The following KCNQ1 variants were observed in gnomAD, a reference collection of about 807,000 sequenced individuals.
The protein encoded by KCNQ1 is potassium voltage-gated channel subfamily Q member 1, also known as potassium voltage-gated channel subfamily KQT member 1.
Under a neutral mutation model 72.4 loss-of-function variants are expected in KCNQ1, and 49 were observed. That is an observed-to-expected ratio of 0.68 (90% CI 0.54 to 0.86). The LOEUF (loss-of-function observed/expected upper bound fraction) is 0.86, where lower values mean the gene tolerates loss of function less well. Ranked by LOEUF, KCNQ1 falls within the 40% of genes least tolerant of loss-of-function variation. The probability of loss-of-function intolerance (pLI) is 0.00; values close to 1 mark genes in which losing one functional copy is unlikely to be tolerated. For missense variants in KCNQ1, 790 were observed against 945.1 expected, an observed-to-expected ratio of 0.84 and a Z score of 2.15; for synonymous variants, 450 against 412.6, an observed-to-expected ratio of 1.09 and a Z score of -1.10.
intron 10 of KCNQ1, among the ~76,000 whole-genome samples, chr11:2,590,541 G>A (rs1349009573): frequency 1.3e-5 from 2 of 152,246 alleles, no homozygotes; most frequent in Admixed American, 6.5e-5. Flanking sequence ...CATCTTCCAG[G>A]TGGTGGGGGG....
chr11:2,766,419 T>C lies in KCNQ1; in HGVS notation c.1515-2425T>C, dbSNP rs113410444. Among the ~76,000 whole-genome samples the C allele has an allele frequency of 7.3e-3, 1,111 of 152,326 alleles. 17 individuals carry two copies. The highest frequency in any genetic ancestry group is 0.026 in the African/African-American group (1,068 of 41,560). On this transcript the variant is annotated intron_variant, in intron 11 of 15. Coordinates refer to ENST00000155840, the MANE Select transcript of KCNQ1 (RefSeq NM_000218.3). This position sits in a 1 kb window ranked among gnomAD's most constrained non-coding sequence, Gnocchi z 4.4. ...GTCTCTCAGCTCTCCTTCACGCGGC[T>C]GTTCCAGCAGGCTAGCTCAGACTTG...
Position 2,488,462 on chromosome 11 carries a change from T to C in KCNQ1, c.387-39466T>C, listed in dbSNP as rs531901236. Among the ~76,000 whole-genome samples the C allele has an allele frequency of 1.6e-4, 25 of 152,322 alleles. No homozygotes were observed. The highest frequency in any genetic ancestry group is 1.5e-3 in the South Asian group (7 of 4,826). ...TTCTTTAAATATTTGGTAGGATTCA[T>C]TGGGGAAGCCATCAGGTCCAGGCTT... On this transcript the variant is annotated intron_variant, in intron 1 of 15. Transcript: ENST00000155840. The surrounding 1 kb of genome is among the most constrained non-coding windows in gnomAD (Gnocchi z 5.1).
At position 2,479,812 on chromosome 11, in the gene KCNQ1, A is replaced by G. The variant is rs1224234241; in HGVS notation, c.386+34328A>G. On this transcript the variant is annotated intron_variant, in intron 1 of 15. Transcript: ENST00000155840. This position sits in a 1 kb window ranked among gnomAD's most constrained non-coding sequence, Gnocchi z 4.6. ...ATTTTCTATCACATTTTCAGACTGC[A>G]AATTTTCTGAACTTTTATCTCTGTT... Among the ~76,000 whole-genome samples the G allele has an allele frequency of 6.6e-6, 1 of 152,196 alleles. No homozygotes were observed. Among genetic ancestry groups the G allele is most frequent in the African/African-American group, 2.4e-5 (1 of 41,454 alleles).
In KCNQ1 at chr11:2,776,336, C is replaced by T. The variant is rs28730759; in HGVS notation, c.1685+282C>T. On this transcript the variant is annotated intron_variant, in intron 13 of 15. Coordinates refer to ENST00000155840, the MANE Select transcript of KCNQ1 (RefSeq NM_000218.3). ...GAGGCGCGTAGGGGAGGCAAACACC[C>T]GCCTCCGTCCCTGCTCAGGTAGCAA... Among the ~76,000 whole-genome samples the T allele has an allele frequency of 0.13, 19,430 of 152,122 alleles. 1,503 individuals are homozygous for T. Among genetic ancestry groups the T allele is most frequent in the East Asian group, 0.29 (1,492 of 5,140 alleles).
intron 10 of KCNQ1, chr11:2,616,527 T>A (rs531277064): frequency 1.0e-5 from 4 of 398,092 alleles, no homozygotes; most frequent in African/African-American, 8.2e-5. Flanking sequence ...CATTCACAGC[T>A]ATAATTTTTC....
Position 2,759,877 on chromosome 11 carries a change from C to T in KCNQ1, c.1515-8967C>T, listed in dbSNP as rs1279020702. Among the ~76,000 whole-genome samples, 1 of 152,110 alleles carries T rather than the reference C, an allele frequency of 6.6e-6. No individual in the cohort carries two copies. Among genetic ancestry groups the T allele is most frequent in the Non-Finnish European group, 1.5e-5 (1 of 67,994 alleles). ...ACCCTGAGCTGTACTGGACCCAAGC[C>T]CCAGGACCCCCTGGAGTCACCTCCA... On this transcript the variant is annotated intron_variant, in intron 11 of 15. Transcript: ENST00000155840. The surrounding 1 kb of genome is among the most constrained non-coding windows in gnomAD (Gnocchi z 4.4).
rs570042279 is a variant in KCNQ1 at position 2,671,364 on chromosome 11, G to A, written c.1514+9283G>A. 34 of 398,502 alleles carry A rather than the reference G, an allele frequency of 8.5e-5. No individual in the cohort carries two copies. In the South Asian group the frequency reaches 4.3e-3, roughly 51 times the overall value. The allele number at this position is 398,502 out of a possible 1,614,324, so 24.7% of individuals were successfully genotyped here. On this transcript the variant is annotated intron_variant, in intron 11 of 15. Transcript: ENST00000155840. This position sits in a 1 kb window ranked among gnomAD's most constrained non-coding sequence, Gnocchi z 4.7. The stretch of plus-strand genomic sequence containing the variant: ...CTGAAGATGACACTGGGAATATCCT[G>A]AAAAAGGTACAGGAACACCTGGCAT...
intron 11 of KCNQ1, chr11:2,696,243 C>A: frequency 2.5e-6 from 1 of 398,656 alleles, no homozygotes; most frequent in Non-Finnish European, 4.4e-6. Context: ...TGGCAACTAC[C>A]TTTTGCTTTC....
At chr11:2,445,921 C>T (rs1362901231) in intron 1 of KCNQ1, among the ~76,000 whole-genome samples, 3 of 152,188 alleles carry the variant, frequency 2.0e-5, no homozygotes, top group African/African-American at 7.2e-5. Context: ...ATCTCAGACC[C>T]CCTGAGGCCC....
chr11:2,483,488 G>T lies in KCNQ1; in HGVS notation c.386+38004G>T, dbSNP rs543146606. Among the ~76,000 whole-genome samples, 1 of 152,064 alleles carries T rather than the reference G, an allele frequency of 6.6e-6. No homozygotes were observed. The highest frequency in any genetic ancestry group is 1.5e-5 in the Non-Finnish European group (1 of 68,022). ...CAAATCCCGCGTTTTTCTAGCATCC[G>T]GTTTCTGTTCTGTGATCCCCACGTT... On this transcript the variant is annotated intron_variant, in intron 1 of 15. Coordinates refer to ENST00000155840, the MANE Select transcript of KCNQ1 (RefSeq NM_000218.3). The surrounding 1 kb of genome is among the most constrained non-coding windows in gnomAD (Gnocchi z 6.1).
At chr11:2,834,308 C>T (rs1184069705) in intron 15 of KCNQ1, among the ~76,000 whole-genome samples, 6 of 152,052 alleles carry the variant, frequency 3.9e-5, no homozygotes, top group Admixed American at 3.9e-4. Context: ...TCATGGAGGG[C>T]GCCCAGGTGC....
rs1849679585 is a variant in KCNQ1, at chr11:2,647,212, TC to T, written c.1394-14748del. The T allele has an allele frequency of 2.5e-6, 1 of 398,478 alleles. No homozygotes were observed. The allele number at this position is 398,478 out of a possible 1,614,324, so 24.7% of individuals were successfully genotyped here. A position where few individuals can be genotyped will look rare whatever the true frequency, so the allele number is the denominator to read the frequency against. On this transcript the variant is annotated intron_variant, in intron 10 of 15. Coordinates refer to ENST00000155840, the MANE Select transcript of KCNQ1 (RefSeq NM_000218.3). This position sits in a 1 kb window ranked among gnomAD's most constrained non-coding sequence, Gnocchi z 4.0. ...ATTTTGAATTTTATCAGATGCTTTTTCTGCATCTATTGAGATGATCATGTAT... is the reference window on the plus strand; with the variant it reads ...ATTTTGAATTTTATCAGATGCTTTTTTGCATCTATTGAGATGATCATGTAT...
intron 10 of KCNQ1, among the ~76,000 whole-genome samples, chr11:2,606,199 A>T (rs1848875996): frequency 6.6e-6 from 1 of 152,194 alleles, no homozygotes; most frequent in South Asian, 2.1e-4. Context: ...TAGAAATACA[A>T]TTGATTTTTA....
chr11:2,837,271 C>T (rs573368224), intron 15 of KCNQ1, among the ~76,000 whole-genome samples: 5 of 152,062 alleles, frequency 3.3e-5, no homozygotes, highest in African/African-American at 4.8e-5. Flanking sequence ...TGTTGAGGGA[C>T]GGAGGTGGCC....
rs1403174737 is a variant in KCNQ1, at chr11:2,489,496, G to A, written c.387-38432G>A. 3.3e-5 allele frequency among the ~76,000 whole-genome samples: 5 copies of A among 152,032 alleles called. No homozygotes were observed. In the East Asian group the frequency reaches 7.7e-4, roughly 23 times the overall value. On this transcript the variant is annotated intron_variant, in intron 1 of 15. Coordinates refer to ENST00000155840, the MANE Select transcript of KCNQ1 (RefSeq NM_000218.3). ...AGGCCACAATAACTGCAATTCCTAG[G>A]CAAGTCCTATTGCTGAGATGGGCTC...
In KCNQ1 at chr11:2,446,628, G is replaced by A. The variant is rs2133562102; in HGVS notation, c.386+1144G>A. Among the ~76,000 whole-genome samples the A allele has an allele frequency of 6.6e-6, 1 of 152,316 alleles. No individual in the cohort carries two copies. The highest frequency in any genetic ancestry group is 1.9e-4 in the East Asian group (1 of 5,176). Reference sequence around the variant, plus strand: ...GTCTCAGGTGAGGGGGTGGGGTAGGGGTCGCAGGGCTACTGCCTTCCTTGC... The same window carrying A: ...GTCTCAGGTGAGGGGGTGGGGTAGGAGTCGCAGGGCTACTGCCTTCCTTGC... On this transcript the variant is annotated intron_variant, in intron 1 of 15. Coordinates refer to ENST00000155840, the MANE Select transcript of KCNQ1 (RefSeq NM_000218.3). This position sits in a 1 kb window ranked among gnomAD's most constrained non-coding sequence, Gnocchi z 8.8.
Position 2,752,867 on chromosome 11 carries a change from T to A in KCNQ1, c.1515-15977T>A, listed in dbSNP as rs1009551142. ...CTGGGTTATGTCAAAATGAGTTCCCTTTGCTGAATCTGTTTCAGCCACCTC... is the reference window on the plus strand; with the variant it reads ...CTGGGTTATGTCAAAATGAGTTCCCATTGCTGAATCTGTTTCAGCCACCTC... On this transcript the variant is annotated intron_variant, in intron 11 of 15. Transcript: ENST00000155840. The surrounding 1 kb of genome is among the most constrained non-coding windows in gnomAD (Gnocchi z 5.2). Among the ~76,000 whole-genome samples, 13 of 152,170 alleles carry A rather than the reference T, an allele frequency of 8.5e-5. No homozygotes were observed. The highest frequency in any genetic ancestry group is 2.0e-4 in the Admixed American group (3 of 15,280).
At position 2,847,842 on chromosome 11, in the gene KCNQ1, AC is replaced by A; in HGVS notation, c.1875del (p.Gly626AlafsTer40). The A allele has an allele frequency of 6.4e-7, 1 of 1,569,310 alleles. No homozygotes were observed. Among genetic ancestry groups the A allele is most frequent in the East Asian group, 2.4e-5 (1 of 42,386 alleles). On this transcript the variant is annotated frameshift_variant, in exon 16 of 16. Coordinates refer to ENST00000155840, the MANE Select transcript of KCNQ1 (RefSeq NM_000218.3). LOFTEE classifies it low-confidence loss of function (END_TRUNC). ...GCTGCTCTCCTTGCACGGTGGCAGC[AC>A]CCCCGGCAGCGGCGGCCCCCCCAGA... The part of the protein sequence containing the change: ...HQLLSLHGGS[T>X]PGSGGPPREG...
intron 10 of KCNQ1, chr11:2,609,765 A>G (rs750052366): frequency 2.4e-4 from 95 of 398,156 alleles, no homozygotes; most frequent in South Asian, 5.1e-4. Flanking sequence ...TTTTATCATT[A>G]TGAGATATTC....
Sources: gnomAD v4.1 joint callset for allele counts (sites outside exome capture counted in the v4.1 genomes callset) on GRCh38, gnomAD v4.1.1 for gene constraint, Gnocchi (gnomAD v3.1) non-coding constraint, MANE v1.5 for transcripts, NCBI Gene and HGNC (gene_info 2026-07-23, HGNC 2026-07-21) for gene names.